MAP3K9: variants seen among roughly 807,000 people sequenced by gnomAD.
The protein encoded by MAP3K9 is mixed lineage kinase 1 (tyr and ser/thr specificity).
MAP3K9 carries 46 observed loss-of-function variants against 95.8 expected under a neutral mutation model. That is an observed-to-expected ratio of 0.48 (90% CI 0.38 to 0.61). The LOEUF is 0.61. Ranked by LOEUF, MAP3K9 falls within the 20% of genes least tolerant of loss-of-function variation. The pLI is 0.00. For missense variants in MAP3K9, 1,296 were observed against 1,474.3 expected (o/e 0.88, Z 1.98); for synonymous variants, 533 against 593.8 (o/e 0.90, Z 1.49).
chr14:70,768,397 A>C (rs1049073221), intron 2 of MAP3K9, among the ~76,000 whole-genome samples: 3 of 152,224 alleles, frequency 2.0e-5, no homozygotes, highest in African/African-American at 4.8e-5. Flanking sequence ...ACAAACAAAT[A>C]AAATGAAACA....
At chr14:70,734,569 C>G (rs149776243) in intron 9 of MAP3K9, 71 bp from the exon 10 acceptor site, 1 of 841,166 alleles carries the variant, frequency 1.2e-6, no homozygotes, top group African/African-American at 1.7e-5. Flanking sequence ...CTCCATGGGT[C>G]TATGGAGACG....
chr14:70,765,889 T>G (rs926589431), intron 2 of MAP3K9, among the ~76,000 whole-genome samples: 11 of 152,082 alleles, frequency 7.2e-5, no homozygotes, highest in Admixed American at 2.0e-4. Flanking sequence ...TGCCTAATGA[T>G]GCATTTCTCA....
intron 5 of MAP3K9, among the ~76,000 whole-genome samples, chr14:70,745,716 T>G (rs1594774200): frequency 6.7e-6 from 1 of 149,186 alleles, no homozygotes. Context: ...CCGGCCTAGG[T>G]GACAGAGCAA....
chr14:70,734,606 A>G, intron 9 of MAP3K9, 108 bp from the exon 10 acceptor site: 1 of 683,798 alleles, frequency 1.5e-6, no homozygotes, highest in South Asian at 1.8e-5. Context: ...TCATTCTACC[A>G]AAGAACCTTG....
rs1295681987 is a variant in MAP3K9, at chr14:70,728,366, C to G, written c.*2014G>C. ...CTCGAACTCCCGACCTCAGGTGATC[C>G]ACCTGCCTCTGCCTCCCAAAGCGCT... On this transcript the variant is annotated 3_prime_UTR_variant, in exon 12 of 12. Coordinates refer to ENST00000554752, the MANE Select transcript of MAP3K9 (RefSeq NM_001284230.2). The G allele has an allele frequency of 6.6e-6, 1 of 152,068 alleles. No individual in the cohort carries two copies. Among genetic ancestry groups the G allele is most frequent in the African/African-American group, 2.4e-5 (1 of 41,386 alleles). The allele number at this position is 152,068 out of a possible 1,614,324, so 9.4% of individuals were successfully genotyped here. A position where few individuals can be genotyped will look rare whatever the true frequency, so the allele number is the denominator to read the frequency against.
chr14:70,774,476 A>C (rs1456387837), intron 2 of MAP3K9, among the ~76,000 whole-genome samples: 1 of 149,900 alleles, frequency 6.7e-6, no homozygotes, highest in Non-Finnish European at 1.5e-5. Context: ...CAGCCTGGCC[A>C]ACATGGTGAA....
intron 11 of MAP3K9, among the ~76,000 whole-genome samples, chr14:70,732,021 G>A (rs538776722): frequency 1.3e-5 from 2 of 152,324 alleles, no homozygotes; most frequent in African/African-American, 4.8e-5. Context: ...GAAGAGGCAG[G>A]TATGAGTCAG....
At chr14:70,801,968 G>A (rs1196191890) in intron 1 of MAP3K9, among the ~76,000 whole-genome samples, 2 of 152,198 alleles carry the variant, frequency 1.3e-5, no homozygotes, top group Non-Finnish European at 2.9e-5. Context: ...GCCTTGTTGA[G>A]GGTAACCAGG....
At chr14:70,741,836 G>A (rs1046520544) in intron 6 of MAP3K9, among the ~76,000 whole-genome samples, 2 of 152,168 alleles carry the variant, frequency 1.3e-5, no homozygotes, top group African/African-American at 4.8e-5. Context: ...AATCCCAGCT[G>A]CTCGGGGGCC....
chr14:70,749,813 T>C, intron 4 of MAP3K9, 120 bp downstream of exon 4: 6 of 1,228,202 alleles, frequency 4.9e-6, no homozygotes, highest in Non-Finnish European at 7.0e-6. Flanking sequence ...GATTCCTCCT[T>C]AGGTGACTGA....
In MAP3K9 at chr14:70,736,020, C is replaced by T; in HGVS notation, c.1854G>A (p.Gln618=). Residue 618 remains glutamine, a synonymous_variant, in exon 9 of 12, where the codon CAG becomes CAA. Coordinates refer to ENST00000554752, the MANE Select transcript of MAP3K9 (RefSeq NM_001284230.2). ...ELASGDEGSP[Q]RREKANGLST... ...TTAAACCATTAGCTTTCTCACGTCTCTGAGGGGATCTTCAATGAATAAAGA... is the reference window on the plus strand; with the variant it reads ...TTAAACCATTAGCTTTCTCACGTCTTTGAGGGGATCTTCAATGAATAAAGA... 1 of 1,611,502 alleles carries T rather than the reference C, an allele frequency of 6.2e-7. No homozygotes were observed. Among genetic ancestry groups the T allele is most frequent in the Non-Finnish European group, 8.5e-7 (1 of 1,177,698 alleles).
intron 3 of MAP3K9, among the ~76,000 whole-genome samples, chr14:70,754,511 G>A (rs1745600801): frequency 6.6e-6 from 1 of 151,998 alleles, no homozygotes; most frequent in South Asian, 2.1e-4. Flanking sequence ...TTGCTCTGTC[G>A]CCCAGGCTGG....
chr14:70,809,123 C>T lies in MAP3K9; in HGVS notation c.49G>A (p.Ala17Thr). The T allele has an allele frequency of 1.4e-6, 2 of 1,381,422 alleles. No individual in the cohort carries two copies. The highest frequency in any genetic ancestry group is 1.9e-6 in the Non-Finnish European group (2 of 1,076,424). The allele number at this position is 1,381,422 out of a possible 1,614,324, so 85.6% of individuals were successfully genotyped here. A position where few individuals can be genotyped will look rare whatever the true frequency, so the allele number is the denominator to read the frequency against. ...GCTCCATCCTCCCCCGGCGGGGCGGCAGCGGCGGCGCTCGCTAGGCAGCCG... is the reference window on the plus strand; with the variant it reads ...GCTCCATCCTCCCCCGGCGGGGCGGTAGCGGCGGCGCTCGCTAGGCAGCCG... ...LLGCLASAAAAAPPGEDGAGA... is the reference protein window; with the variant it reads ...LLGCLASAAATAPPGEDGAGA... The change falls in exon 1 of 12, where the codon GCC becomes ACC. Residue 17 changes from alanine (A) to threonine (T), a missense_variant. Coordinates refer to ENST00000554752, the MANE Select transcript of MAP3K9 (RefSeq NM_001284230.2).
chr14:70,730,926 C>T (rs895616406), intron 11 of MAP3K9, 62 bp from the exon 12 acceptor site: 133 of 1,499,662 alleles, frequency 8.9e-5, no homozygotes, highest in Admixed American at 2.7e-4. Context: ...GTTAGATATC[C>T]GCTACTCCCC....
intron 2 of MAP3K9, among the ~76,000 whole-genome samples, chr14:70,785,545 G>GA (rs928175051): frequency 2.8e-4 from 42 of 152,246 alleles, no homozygotes; most frequent in African/African-American, 1.0e-3. Context: ...GTTATGAGAT[G>GA]AAAAAATGGG....
At chr14:70,779,906 G>A (rs1428014458) in intron 2 of MAP3K9, among the ~76,000 whole-genome samples, 3 of 152,230 alleles carry the variant, frequency 2.0e-5, no homozygotes. Flanking sequence ...GGAACTCAGG[G>A]AATGGCACAA....
intron 2 of MAP3K9, among the ~76,000 whole-genome samples, chr14:70,790,884 G>A (rs1207862289): frequency 3.3e-5 from 5 of 152,248 alleles, no homozygotes; most frequent in Non-Finnish European, 5.9e-5. Context: ...CTACATCATC[G>A]AAACAAGGTG....
At chr14:70,797,062 T>A (rs1199689773) in intron 2 of MAP3K9, among the ~76,000 whole-genome samples, 1 of 152,210 alleles carries the variant, frequency 6.6e-6, no homozygotes, top group Non-Finnish European at 1.5e-5. Context: ...ATGACCAAGA[T>A]AATAAAACAT....
At chr14:70,792,878 A>C (rs1399229670) in intron 2 of MAP3K9, among the ~76,000 whole-genome samples, 1 of 152,200 alleles carries the variant, frequency 6.6e-6, no homozygotes, top group Non-Finnish European at 1.5e-5. Context: ...GGGAAGACAA[A>C]ATCTCTATCA....
Sources: allele counts gnomAD v4.1 joint callset (sites outside exome capture counted in the v4.1 genomes callset), GRCh38; gene constraint gnomAD v4.1.1; transcripts MANE v1.5; gene names NCBI Gene and HGNC (gene_info 2026-07-23, HGNC 2026-07-21).